PLA2G4D: variants seen among roughly 807,000 people sequenced by gnomAD.
PLA2G4D encodes cytosolic phospholipase A2 delta.
A neutral mutation model predicts 94.4 loss-of-function variants in PLA2G4D; 80 were observed. The observed-to-expected ratio is 0.85, with a 90% confidence interval of 0.71 to 1.02. PLA2G4D has a LOEUF of 1.02. PLA2G4D is among the 50% of genes least tolerant of loss of function. The pLI is 0.00. For synonymous variants in PLA2G4D, 438 were observed against 440.9 expected (o/e 0.99, Z 0.08); for missense variants, 1,050 against 1,034.7 (o/e 1.01, Z -0.20).
chr15:42,087,765 C>T, intron 1 of PLA2G4D, 65 bp from the exon 2 acceptor site: 3 of 1,536,262 alleles, frequency 2.0e-6, no homozygotes, highest in Non-Finnish European at 1.8e-6. Flanking sequence ...GAGCTGCAGC[C>T]CGGGCTGCCG....
In PLA2G4D at chr15:42,071,894, G is replaced by A; in HGVS notation, c.1453C>T (p.Pro485Ser). The A allele has an allele frequency of 1.2e-6, 2 of 1,614,156 alleles. No homozygotes were observed. Among genetic ancestry groups the A allele is most frequent in the Non-Finnish European group, 1.7e-6 (2 of 1,179,996 alleles). ...TACTTCAGGAAACCGACCTCATAGG[G>A]GGAGAACTCAACCCACTCTAATGGG... Reference protein sequence around the residue: ...LDFKEWVEFSPYEVGFLKYGA... With the variant: ...LDFKEWVEFSSYEVGFLKYGA... Residue 485 changes from proline to serine, a missense_variant, in exon 15 of 20, where the codon CCC becomes TCC. Transcript: ENST00000290472.
At chr15:42,086,494 C>T in intron 3 of PLA2G4D, 150 bp from the exon 4 acceptor site, 1 of 750,552 alleles carries the variant, frequency 1.3e-6, no homozygotes, top group South Asian at 1.8e-5. Flanking sequence ...AACTGTAAAA[C>T]TTAAATATAA....
intron 19 of PLA2G4D, 80 bp downstream of exon 19, chr15:42,069,829 C>T (rs1595588911): frequency 1.6e-5 from 19 of 1,215,618 alleles, no homozygotes; most frequent in African/African-American, 1.1e-4. Context: ...ATTTCCCTTC[C>T]CTCTGCTGGG....
chr15:42,070,834 C>T lies in PLA2G4D; in HGVS notation c.1926G>A (p.Arg642=), dbSNP rs1372657486. 1 of 1,611,840 alleles carries T rather than the reference C, an allele frequency of 6.2e-7. No homozygotes were observed. Residue 642 remains arginine, a synonymous_variant, in exon 18 of 20, where the codon CGG becomes CGA. Transcript: ENST00000290472. ...MPSQLTPKEP[R]LCLVDAAYFI... ...AGTAGGCGGCGTCCACCAGGCAGAG[C>T]CGGGGCTCCTTGGGGGTCAGCTGGC...
At position 42,086,418 on chromosome 15, in the gene PLA2G4D, C is replaced by G. The variant is rs941472452; in HGVS notation, c.256-74G>C. The G allele has an allele frequency of 6.7e-6, 10 of 1,490,434 alleles. No homozygotes were observed. The Admixed American group carries it at 1.0e-4, about 15-fold the overall frequency. 92.3% of individuals were successfully genotyped at this position (1,490,434 alleles called of 1,614,324 possible). On this transcript the variant is annotated intron_variant, in intron 3 of 19. Coordinates refer to ENST00000290472, the MANE Select transcript of PLA2G4D (RefSeq NM_178034.4). ...GTAGCTCACCTCTGTTGAGCCCTTACTTGATGTCTAGAGTCAGAGAAGATC... is the reference window on the plus strand; with the variant it reads ...GTAGCTCACCTCTGTTGAGCCCTTAGTTGATGTCTAGAGTCAGAGAAGATC...
At chr15:42,083,573 C>T (rs568031736) in intron 7 of PLA2G4D, 143 bp downstream of exon 7, 25 of 1,124,790 alleles carry the variant, frequency 2.2e-5, no homozygotes, top group East Asian at 1.4e-4. Flanking sequence ...AGCGGAGATG[C>T]GTGGCCCTCT....
At chr15:42,089,768 G>A (rs1280380015) in intron 1 of PLA2G4D, among the ~76,000 whole-genome samples, 5 of 152,176 alleles carry the variant, frequency 3.3e-5, no homozygotes, top group South Asian at 2.1e-4. Context: ...CTGCTCCCCC[G>A]GCCAGGCTGA....
intron 9 of PLA2G4D, 111 bp downstream of exon 9, chr15:42,082,168 G>C: frequency 1.1e-6 from 1 of 915,086 alleles, no homozygotes; most frequent in Non-Finnish European, 1.7e-6. Context: ...CTGACTTCAG[G>C]TGATCCGCCT....
chr15:42,071,670 C>A, intron 15 of PLA2G4D, 104 bp downstream of exon 15: 4 of 1,342,708 alleles, frequency 3.0e-6, no homozygotes, highest in South Asian at 1.3e-5. Context: ...CCCGCCACCC[C>A]TCCCCCTTGT....
chr15:42,088,987 A>T (rs1890203000), intron 1 of PLA2G4D, among the ~76,000 whole-genome samples: 6 of 152,178 alleles, frequency 3.9e-5, no homozygotes, highest in Admixed American at 3.9e-4. Flanking sequence ...TTCCAGAAAA[A>T]AACCCGTGCT....
At chr15:42,087,265 T>G in intron 3 of PLA2G4D, 35 bp downstream of exon 3, 1 of 1,613,572 alleles carries the variant, frequency 6.2e-7, no homozygotes, top group South Asian at 1.1e-5. Flanking sequence ...TCCAGCCCGT[T>G]CACAAGGGAG....
rs777200173 is a variant in PLA2G4D at position 42,086,305 on chromosome 15, T to C, written c.295A>G (p.Thr99Ala). The change falls in exon 4 of 20, where the codon ACG becomes GCG. Residue 99 changes from threonine (T) to alanine (A), a missense_variant. Physicochemically the swap from Thr to Ala is moderately conservative, Grantham distance 58. Coordinates refer to ENST00000290472, the MANE Select transcript of PLA2G4D (RefSeq NM_178034.4). ...ACCTTGAAGCAGATGTCATCCTCCG[T>C]GACTGAGTCCTCATCATAGATGCTA... ...ELSIYDEDSVTEDDICFKVLY... is the reference protein window; with the variant it reads ...ELSIYDEDSVAEDDICFKVLY... 11 of 1,601,756 alleles carry C rather than the reference T, an allele frequency of 6.9e-6. No individual in the cohort carries two copies. In the South Asian group the frequency reaches 1.2e-4, roughly 18 times the overall value.
Position 42,087,422 on chromosome 15 carries a change from G to C in PLA2G4D, c.133C>G (p.Pro45Ala). ...RWADLLSEAD[P>A]YVILQLSTAP... ...GTCGACAGCTGTAGGATCACGTAAG[G>C]GTCGGCCTCACTCACTGCCAAGGTT... Residue 45 changes from proline to alanine, a missense_variant, in exon 3 of 20, where the codon CCT becomes GCT. Pro to Ala is a conservative substitution (Grantham distance 27). Coordinates refer to ENST00000290472, the MANE Select transcript of PLA2G4D (RefSeq NM_178034.4). The C allele has an allele frequency of 1.9e-6, 3 of 1,614,066 alleles. No homozygotes were observed. Among genetic ancestry groups the C allele is most frequent in the South Asian group, 1.1e-5 (1 of 91,084 alleles).
chr15:42,070,546 CCCCAGCCTT>C lies in PLA2G4D; in HGVS notation c.2043+162_2043+170del. 3.6e-6 allele frequency: 3 copies of C among 832,862 alleles called. No individual in the cohort carries two copies. The East Asian group carries it at 8.1e-5, about 23-fold the overall frequency. The allele number at this position is 832,862 out of a possible 1,614,324, so 51.6% of individuals were successfully genotyped here. Reference sequence around the variant, plus strand: ...CTGGGAGCCCAAGGCCCCTGCACCACCCCAGCCTTCCCACCTAAGGACCCTGGCAGGAGC... The same window carrying C: ...CTGGGAGCCCAAGGCCCCTGCACCACCCCACCTAAGGACCCTGGCAGGAGC... On this transcript the variant is annotated intron_variant, in intron 18 of 19. Coordinates refer to ENST00000290472, the MANE Select transcript of PLA2G4D (RefSeq NM_178034.4).
Position 42,086,194 on chromosome 15 carries a change from T to TGGGGGGGGGGGGGGCGCGC in PLA2G4D, c.387+18_387+19insGCGCGCCCCCCCCCCCCCC. On this transcript the variant is annotated intron_variant, in intron 4 of 19. Transcript: ENST00000290472. ...GGAAGAAGTGGGGCCCACGGGGACT[T>TGGGGGGGGGGGGGGCGCGC]CCCCACCCACCCACCCACCTGGGGA... 1 of 1,370,444 alleles carries TGGGGGGGGGGGGGGCGCGC rather than the reference T, an allele frequency of 7.3e-7. No homozygotes were observed. The highest frequency in any genetic ancestry group is 9.6e-7 in the Non-Finnish European group (1 of 1,043,084). The allele number at this position is 1,370,444 out of a possible 1,614,324, so 84.9% of individuals were successfully genotyped here. A position where few individuals can be genotyped will look rare whatever the true frequency, so the allele number is the denominator to read the frequency against.
Position 42,086,210 on chromosome 15 carries a change from C to G in PLA2G4D, c.387+3G>C. ...ACGGGGACTTCCCCACCCACCCACC[C>G]ACCTGGGGACTCTGGGAGAAGGTTT... On this transcript the variant is annotated splice_donor_region_variant and intron_variant, in intron 4 of 19. Coordinates refer to ENST00000290472, the MANE Select transcript of PLA2G4D (RefSeq NM_178034.4). 1 of 1,442,554 alleles carries G rather than the reference C, an allele frequency of 6.9e-7. No homozygotes were observed. The allele number at this position is 1,442,554 out of a possible 1,614,324, so 89.4% of individuals were successfully genotyped here.
chr15:42,079,641 G>C lies in PLA2G4D; in HGVS notation c.1213C>G (p.Leu405Val). The change falls in exon 13 of 20, where the codon CTG (leucine) becomes GTG (valine). Residue 405 changes from leucine (L) to valine (V), a missense_variant. Physicochemically the swap from Leu to Val is conservative, Grantham distance 32. Transcript: ENST00000290472. ...TCCAGCTCCCGGCGGTAGCTCGCCA[G>C]GCGCTCTGGGGAAAAGACCTCCAGC... ...SKLEVFSPER[L>V]ASYRRELELR... is the part of the protein sequence containing the mutation. 1 of 1,612,858 alleles carries C rather than the reference G, an allele frequency of 6.2e-7. No homozygotes were observed.
chr15:42,086,194 T>TTGGGGGGGGGGGGGCGG lies in PLA2G4D; in HGVS notation c.387+18_387+19insCCGCCCCCCCCCCCCCA. 4.4e-6 allele frequency: 6 copies of TTGGGGGGGGGGGGGCGG among 1,370,438 alleles called. No individual in the cohort carries two copies. Among genetic ancestry groups the TTGGGGGGGGGGGGGCGG allele is most frequent in the Non-Finnish European group, 5.8e-6 (6 of 1,043,078 alleles). 84.9% of individuals were successfully genotyped at this position (1,370,438 alleles called of 1,614,324 possible). On this transcript the variant is annotated intron_variant, in intron 4 of 19. Coordinates refer to ENST00000290472, the MANE Select transcript of PLA2G4D (RefSeq NM_178034.4). ...GGAAGAAGTGGGGCCCACGGGGACTTCCCCACCCACCCACCCACCTGGGGA... is the reference window on the plus strand; with the variant it reads ...GGAAGAAGTGGGGCCCACGGGGACTTTGGGGGGGGGGGGGCGGCCCCACCCACCCACCCACCTGGGGA...
Position 42,070,068 on chromosome 15 carries a change from G to C in PLA2G4D, c.2071C>G (p.Arg691Gly). Residue 691 changes from arginine (R) to glycine (G), a missense_variant, in exon 19 of 20, where the codon CGG (arginine) becomes GGG (glycine). By Grantham distance (125) the Arg-to-Gly change is moderately radical. Transcript: ENST00000290472. Reference protein sequence around the residue: ...EALQQTELYCRARGLPFPRVE... With the variant: ...EALQQTELYCGARGLPFPRVE... ...CGGGGGAAGGGCAGCCCCCGGGCCC[G>C]GCAGTACAGCTCCGTCTGCTGCAGT... is the stretch of plus-strand genomic sequence containing the variant. 6.6e-7 allele frequency: 1 copy of C among 1,522,066 alleles called. No homozygotes were observed. The highest frequency in any genetic ancestry group is 8.8e-7 in the Non-Finnish European group (1 of 1,135,150). 94.3% of individuals were successfully genotyped at this position (1,522,066 alleles called of 1,614,324 possible). A position where few individuals can be genotyped will look rare whatever the true frequency, so the allele number is the denominator to read the frequency against.
Sources: gnomAD v4.1 joint callset for allele counts (sites outside exome capture counted in the v4.1 genomes callset) on GRCh38, gnomAD v4.1.1 for gene constraint, MANE v1.5 for transcripts, NCBI Gene and HGNC (gene_info 2026-07-23, HGNC 2026-07-21) for gene names.